PPP1R14A: variants seen among roughly 807,000 people sequenced by gnomAD.
The protein encoded by PPP1R14A is protein phosphatase 1 regulatory inhibitor subunit 14A.
In PPP1R14A, 9 loss-of-function variants were observed where a neutral mutation model predicts 14.1. The observed-to-expected ratio is 0.64, with a 90% CI of 0.38 to 1.11. The LOEUF (loss-of-function observed/expected upper bound fraction) is 1.11. Ranked by LOEUF, PPP1R14A falls within the 50% of genes most tolerant of loss-of-function variation. The probability of loss-of-function intolerance (pLI) is 0.01; values close to 1 mark genes in which losing one functional copy is unlikely to be tolerated. For missense variants in PPP1R14A, 208 were observed against 200.7 expected, an observed-to-expected ratio of 1.04 and a Z score of -0.22; for synonymous variants, 93 against 88.7, an observed-to-expected ratio of 1.05 and a Z score of -0.27.
At chr19:38,255,954 C>T (rs1968242795) in intron 1 of PPP1R14A, among the ~76,000 whole-genome samples, 185 bp downstream of exon 1, 1 of 149,382 alleles carries the variant, frequency 6.7e-6, no homozygotes, top group Non-Finnish European at 1.5e-5. Flanking sequence ...GGTGTGTCCA[C>T]AAGCACAATG....
intron 1 of PPP1R14A, among the ~76,000 whole-genome samples, chr19:38,254,816 G>T (rs753903280): frequency 2.0e-5 from 3 of 151,850 alleles, no homozygotes; most frequent in Non-Finnish European, 4.4e-5. Flanking sequence ...TTTTTGAGAC[G>T]GAGTTTCGCT....
chr19:38,253,429 G>C (rs1968213193), intron 1 of PPP1R14A, among the ~76,000 whole-genome samples: 1 of 152,092 alleles, frequency 6.6e-6, no homozygotes, highest in South Asian at 2.1e-4. Flanking sequence ...GGGACAGGAA[G>C]GGAGGGGACA....
At chr19:38,254,896 C>T (rs779043108) in intron 1 of PPP1R14A, among the ~76,000 whole-genome samples, 1 of 151,846 alleles carries the variant, frequency 6.6e-6, no homozygotes. Flanking sequence ...CGGGTTCAAG[C>T]GATTCTCCTC....
chr19:38,251,519 C>T, intron 3 of PPP1R14A, 73 bp from the exon 4 acceptor site: 2 of 1,448,126 alleles, frequency 1.4e-6, no homozygotes, highest in Admixed American at 3.0e-5. Flanking sequence ...CAGCCCAGTC[C>T]CTGACCTGGG....
rs559689705 is a variant in PPP1R14A at position 38,253,098 on chromosome 19, G to A, written c.202-124C>T. On this transcript the variant is annotated intron_variant, in intron 1 of 3. Coordinates refer to ENST00000301242, the MANE Select transcript of PPP1R14A (RefSeq NM_033256.3). ...TGGCGGGTTCTGGAGCATTAATGTG[G>A]CAGTCCGGGACAGCACTGCCAAGAC... 4.1e-6 allele frequency: 3 copies of A among 732,198 alleles called. No individual in the cohort carries two copies. In the Admixed American group the frequency reaches 6.8e-5, roughly 17 times the overall value. 45.4% of individuals were successfully genotyped at this position (732,198 alleles called of 1,614,324 possible). A position where few individuals can be genotyped will look rare whatever the true frequency, so the allele number is the denominator to read the frequency against.
rs763852182 is a variant in PPP1R14A at position 38,251,480 on chromosome 19, A to G, written c.316-34T>C. 1.0e-5 allele frequency: 16 copies of G among 1,531,856 alleles called. No homozygotes were observed. The African/African-American group carries it at 2.3e-4, about 22-fold the overall frequency. 94.9% of individuals were successfully genotyped at this position (1,531,856 alleles called of 1,614,324 possible). On this transcript the variant is annotated intron_variant, in intron 3 of 3. Coordinates refer to ENST00000301242, the MANE Select transcript of PPP1R14A (RefSeq NM_033256.3). ...GGGTGGGGGAGCTGAGAACATGGGA[A>G]CAGTGCGGGGGCACCCTCTGCCCCT...
At chr19:38,255,211 CCT>C (rs1017329623) in intron 1 of PPP1R14A, among the ~76,000 whole-genome samples, 3 of 152,136 alleles carry the variant, frequency 2.0e-5, no homozygotes, top group African/African-American at 7.2e-5. Context: ...GTGACCTTGG[CCT>C]CTCAGGCTCA....
At position 38,255,623 on chromosome 19, in the gene PPP1R14A, C is replaced by T. The variant is rs1968238592; in HGVS notation, c.201+516G>A. Among the ~76,000 whole-genome samples, 2 of 84,516 alleles carry T rather than the reference C, an allele frequency of 2.4e-5. 1 individual carries two copies. Among genetic ancestry groups the T allele is most frequent in the Non-Finnish European group, 5.2e-5 (2 of 38,578 alleles). The allele number at this position is 84,516 out of a possible 152,430, so 55.4% of individuals were successfully genotyped here. A position where few individuals can be genotyped will look rare whatever the true frequency, so the allele number is the denominator to read the frequency against. ...GTAGCATATGTTGAACTGTAGGTGA[C>T]CCCCCCCCAGCCCCCGCTTGTGTCC... On this transcript the variant is annotated intron_variant, in intron 1 of 3. Coordinates refer to ENST00000301242, the MANE Select transcript of PPP1R14A (RefSeq NM_033256.3).
intron 1 of PPP1R14A, among the ~76,000 whole-genome samples, chr19:38,254,285 T>C (rs1180153132): frequency 6.6e-6 from 1 of 151,800 alleles, no homozygotes. Context: ...CTGAGCAACA[T>C]AGCGAGGCCC....
rs201166412 is a variant in PPP1R14A at position 38,251,388 on chromosome 19, C to A, written c.374G>T (p.Arg125Leu). ...GCCGTCGTGGGAGGGGCTTGGCTGGCGGAGGCCGGGCTGCCTGTGGAGGCC... is the reference window on the plus strand; with the variant it reads ...GCCGTCGTGGGAGGGGCTTGGCTGGAGGAGGCCGGGCTGCCTGTGGAGGCC... ...LQGLHRQPGL[R>L]QPSPSHDGSL... Residue 125 changes from arginine (R) to leucine (L), a missense_variant, in exon 4 of 4, where the codon CGC (arginine) becomes CTC (leucine). Coordinates refer to ENST00000301242, the MANE Select transcript of PPP1R14A (RefSeq NM_033256.3). 6 of 1,553,370 alleles carry A rather than the reference C, an allele frequency of 3.9e-6. No homozygotes were observed. The African/African-American group carries it at 8.5e-5, about 22-fold the overall frequency.
chr19:38,251,968 A>C, intron 3 of PPP1R14A: 9 of 405,518 alleles, frequency 2.2e-5, no homozygotes, highest in East Asian at 8.6e-5. Flanking sequence ...GAGGTGGGGA[A>C]GGGAGCCCGG....
chr19:38,256,219 A>T lies in PPP1R14A; in HGVS notation c.121T>A (p.Tyr41Asn). 6.4e-7 allele frequency: 1 copy of T among 1,555,372 alleles called. No individual in the cohort carries two copies. Among genetic ancestry groups the T allele is most frequent in the Non-Finnish European group, 8.7e-7 (1 of 1,154,366 alleles). Residue 41 changes from tyrosine to asparagine, a missense_variant, in exon 1 of 4, where the codon TAT (tyrosine) becomes AAT (asparagine). By Grantham distance (143) the Tyr-to-Asn change is moderately radical (BLOSUM62 -2). Transcript: ENST00000301242. This position sits in a 1 kb window ranked among gnomAD's most constrained non-coding sequence, Gnocchi z 5.7. ...QKRHARVTVK[Y>N]DRRELQRRLD... ...CGCCGCTGCAGCTCCCGCCGGTCAT[A>T]CTTGACGGTGACGCGCGCGTGCCGC...
Position 38,251,377 on chromosome 19 carries a change from G to C in PPP1R14A, c.385C>G (p.Pro129Ala). Reference sequence around the variant, plus strand: ...GGGCTGAGGCTGCCGTCGTGGGAGGGGCTTGGCTGGCGGAGGCCGGGCTGC... The same window carrying C: ...GGGCTGAGGCTGCCGTCGTGGGAGGCGCTTGGCTGGCGGAGGCCGGGCTGC... ...HRQPGLRQPS[P>A]SHDGSLSPLQ... Residue 129 changes from proline to alanine, a missense_variant, in exon 4 of 4, where the codon CCC becomes GCC. Transcript: ENST00000301242. 6.4e-7 allele frequency: 1 copy of C among 1,561,214 alleles called. No individual in the cohort carries two copies. Among genetic ancestry groups the C allele is most frequent in the Non-Finnish European group, 8.6e-7 (1 of 1,162,222 alleles).
chr19:38,252,768 G>C lies in PPP1R14A; in HGVS notation c.282+126C>G. 1.3e-6 allele frequency: 1 copy of C among 771,008 alleles called. No homozygotes were observed. Among genetic ancestry groups the C allele is most frequent in the Non-Finnish European group, 2.3e-6 (1 of 438,020 alleles). The allele number at this position is 771,008 out of a possible 1,614,324, so 47.8% of individuals were successfully genotyped here. A position where few individuals can be genotyped will look rare whatever the true frequency, so the allele number is the denominator to read the frequency against. ...AGGGTTTTGTGAGGGTTAAGTGAGT[G>C]AATACATGTAAAGCCATCACACCAG... On this transcript the variant is annotated intron_variant, in intron 2 of 3. Transcript: ENST00000301242. This position sits in a 1 kb window ranked among gnomAD's most constrained non-coding sequence, Gnocchi z 4.1.
chr19:38,251,560 G>A (rs1968190674), intron 3 of PPP1R14A, 114 bp from the exon 4 acceptor site: 4 of 718,242 alleles, frequency 5.6e-6, no homozygotes, highest in East Asian at 6.6e-5. Flanking sequence ...TTGTGGGGTG[G>A]GGGGAGTTAG....
chr19:38,253,758 G>A (rs565552906), intron 1 of PPP1R14A, among the ~76,000 whole-genome samples: 2 of 152,318 alleles, frequency 1.3e-5, no homozygotes, highest in Non-Finnish European at 2.9e-5. Context: ...AGGGCTGGAT[G>A]GTCCTGGTTC....
rs1048659527 is a variant in PPP1R14A, at chr19:38,252,168, G to A, written c.315+138C>T. The A allele has an allele frequency of 1.6e-5, 12 of 738,722 alleles. No homozygotes were observed. The highest frequency in any genetic ancestry group is 2.6e-5 in the Non-Finnish European group (11 of 429,982). The allele number at this position is 738,722 out of a possible 1,614,324, so 45.8% of individuals were successfully genotyped here. ...AAGACACCCCTGGAGACCAGAAAGA[G>A]CTGCGGAGGGCAGGTTGGGGCCGGG... On this transcript the variant is annotated intron_variant, in intron 3 of 3. Transcript: ENST00000301242. The surrounding 1 kb of genome is among the most constrained non-coding windows in gnomAD (Gnocchi z 4.1).
At position 38,256,333 on chromosome 19, in the gene PPP1R14A, C is replaced by T; in HGVS notation, c.7G>A (p.Ala3Thr). The change falls in exon 1 of 4, where the codon GCT (alanine) becomes ACT (threonine). Residue 3 changes from alanine to threonine, a missense_variant. Physicochemically the swap from Ala to Thr is moderately conservative, Grantham distance 58. Coordinates refer to ENST00000301242, the MANE Select transcript of PPP1R14A (RefSeq NM_033256.3). The surrounding 1 kb of genome is among the most constrained non-coding windows in gnomAD (Gnocchi z 5.7). ...AGCACGCGCTTGCCCAGCCGCTGAGCTGCCATCGCGCTGCTGGACCCAGCC... is the reference window on the plus strand; with the variant it reads ...AGCACGCGCTTGCCCAGCCGCTGAGTTGCCATCGCGCTGCTGGACCCAGCC... MAAQRLGKRVLSK... is the reference protein window; with the variant it reads MATQRLGKRVLSK... The T allele has an allele frequency of 6.7e-7, 1 of 1,492,368 alleles. No homozygotes were observed. The highest frequency in any genetic ancestry group is 8.9e-7 in the Non-Finnish European group (1 of 1,126,696). The allele number at this position is 1,492,368 out of a possible 1,614,324, so 92.4% of individuals were successfully genotyped here.
intron 1 of PPP1R14A, among the ~76,000 whole-genome samples, chr19:38,253,975 G>C (rs1036686851): frequency 1.3e-5 from 2 of 152,300 alleles, no homozygotes; most frequent in East Asian, 3.9e-4. Flanking sequence ...TCCACAGTCA[G>C]CTGTGGGGCC....
Sources: allele counts gnomAD v4.1 joint callset (sites outside exome capture counted in the v4.1 genomes callset), GRCh38; gene constraint gnomAD v4.1.1; non-coding constraint Gnocchi (gnomAD v3.1); transcripts MANE v1.5; gene names NCBI Gene and HGNC (gene_info 2026-07-23, HGNC 2026-07-21).